Variants in SLC4A5 observed in about 807,000 individuals in gnomAD.
SLC4A5 encodes solute carrier family 4 member 5.
A neutral mutation model predicts 120.4 loss-of-function variants in SLC4A5; 96 were observed. That is an observed-to-expected ratio of 0.80 (90% CI 0.68 to 0.94). The LOEUF (loss-of-function observed/expected upper bound fraction) is 0.94. Ranked by LOEUF, SLC4A5 falls within the 40% of genes least tolerant of loss-of-function variation. The pLI, the probability that SLC4A5 is intolerant of heterozygous loss-of-function variation, is 0.00. For synonymous variants in SLC4A5, 550 were observed against 571.1 expected (o/e 0.96, Z 0.53); for missense variants, 1,259 against 1,459.5 (o/e 0.86, Z 2.24).
rs986821540 is a variant in SLC4A5 at position 74,290,215 on chromosome 2, A to G, written c.272-4313T>C. On this transcript the variant is annotated intron_variant, in intron 7 of 30. Coordinates refer to ENST00000394019, the Ensembl canonical transcript of SLC4A5. ...AGAGAGGAGACAGGCAGAGAGCAGG[A>G]TGCAAACCAGTTCTGCCTGGGGCAT... 8.1e-6 allele frequency: 8 copies of G among 985,502 alleles called. No homozygotes were observed. In the East Asian group the frequency reaches 5.7e-4, roughly 70 times the overall value. The allele number at this position is 985,502 out of a possible 1,614,324, so 61.0% of individuals were successfully genotyped here. A position where few individuals can be genotyped will look rare whatever the true frequency, so the allele number is the denominator to read the frequency against.
At chr2:74,296,353 C>T (rs942444174) in intron 7 of SLC4A5, among the ~76,000 whole-genome samples, 1 of 152,024 alleles carries the variant, frequency 6.6e-6, no homozygotes, top group African/African-American at 2.4e-5. Context: ...TCTCCTTTTT[C>T]TTCCTCCTTT....
chr2:74,235,033 A>C, intron 22 of SLC4A5, 68 bp downstream of exon 22: 1 of 1,255,198 alleles, frequency 8.0e-7, no homozygotes, highest in Non-Finnish European at 1.2e-6. Flanking sequence ...TGATCAGCAC[A>C]GAGGGGAAAG....
chr2:74,267,734 G>A (rs1201258233), intron 8 of SLC4A5, among the ~76,000 whole-genome samples: 1 of 152,216 alleles, frequency 6.6e-6, no homozygotes, highest in East Asian at 1.9e-4. Flanking sequence ...GGTGGCTCAC[G>A]CCTGTGATTC....
At chr2:74,232,357 T>C in intron 24 of SLC4A5, 112 bp downstream of exon 24, 1 of 1,283,758 alleles carries the variant, frequency 7.8e-7, no homozygotes. Context: ...TCTTGGGCCG[T>C]CAGAGCGGGG....
At chr2:74,228,885 T>A (rs1694950639) in intron 25 of SLC4A5, among the ~76,000 whole-genome samples, 1 of 152,110 alleles carries the variant, frequency 6.6e-6, no homozygotes, top group Non-Finnish European at 1.5e-5. Flanking sequence ...ATTCCAAATC[T>A]TCACAGCCTT....
At chr2:74,318,551 T>C (rs1167038116) in intron 5 of SLC4A5, among the ~76,000 whole-genome samples, 1 of 152,006 alleles carries the variant, frequency 6.6e-6, no homozygotes, top group African/African-American at 2.4e-5. Context: ...CCAGGTGTGG[T>C]GGTGCATGCC....
intron 5 of SLC4A5, among the ~76,000 whole-genome samples, chr2:74,327,455 A>G (rs1002283079): frequency 6.6e-6 from 1 of 152,190 alleles, no homozygotes; most frequent in African/African-American, 2.4e-5. Flanking sequence ...GGGAAAGGCT[A>G]CCCTCTCAAC....
intron 5 of SLC4A5, among the ~76,000 whole-genome samples, chr2:74,319,987 C>G (rs1475438462): frequency 1.3e-5 from 2 of 151,958 alleles, no homozygotes; most frequent in Non-Finnish European, 2.9e-5. Flanking sequence ...AACCTATGAA[C>G]CTATAAGTTT....
intron 23 of SLC4A5, among the ~76,000 whole-genome samples, 162 bp from the exon 24 acceptor site, chr2:74,232,809 C>T (rs1670139988): frequency 6.6e-6 from 1 of 152,162 alleles, no homozygotes; most frequent in African/African-American, 2.4e-5. Context: ...GTGTGTCCTG[C>T]CACCCCATCT....
intron 6 of SLC4A5, chr2:74,307,606 T>C: frequency 4.0e-6 from 3 of 757,928 alleles, no homozygotes; most frequent in Admixed American, 3.5e-5. Flanking sequence ...TGAGCGCTCA[T>C]GTCCTCAATG....
At chr2:74,290,256 A>T (rs1043964928) in intron 7 of SLC4A5, 1 of 985,414 alleles carries the variant, frequency 1.0e-6, no homozygotes, top group African/African-American at 1.7e-5. Flanking sequence ...GCTCCCTGGA[A>T]CAGCTGAGCG....
chr2:74,329,641 T>C (rs1181007051), intron 4 of SLC4A5, among the ~76,000 whole-genome samples: 1 of 146,094 alleles, frequency 6.8e-6, no homozygotes, highest in Non-Finnish European at 1.5e-5. Context: ...ATGGAGGTGG[T>C]GTGAGGTGTA....
intron 30 of SLC4A5, among the ~76,000 whole-genome samples, chr2:74,220,189 CTG>C (rs1455255207): frequency 6.6e-6 from 1 of 152,230 alleles, no homozygotes; most frequent in Non-Finnish European, 1.5e-5. Flanking sequence ...TTCATCTTTT[CTG>C]TGTTTGCCCC....
chr2:74,279,787 C>T (rs1415587156), intron 8 of SLC4A5, among the ~76,000 whole-genome samples: 1 of 152,180 alleles, frequency 6.6e-6, no homozygotes, highest in African/African-American at 2.4e-5. Flanking sequence ...TTCTAAGCTG[C>T]TACCATGAGG....
chr2:74,249,234 G>C (rs1177270418), intron 17 of SLC4A5, among the ~76,000 whole-genome samples: 2 of 152,196 alleles, frequency 1.3e-5, no homozygotes, highest in Non-Finnish European at 2.9e-5. Flanking sequence ...GATAGGTTTA[G>C]GGTGCCACAG....
chr2:74,301,343 C>T (rs1672470938), intron 7 of SLC4A5, among the ~76,000 whole-genome samples: 1 of 152,196 alleles, frequency 6.6e-6, no homozygotes, highest in South Asian at 2.1e-4. Flanking sequence ...CTGAAGGGGT[C>T]TCTGCTCAAT....
At position 74,265,045 on chromosome 2, in the gene SLC4A5, G is replaced by A. The variant is rs1037272391; in HGVS notation, c.562+59C>T. ...ACTTGAGGGCAGGCATGAGGTCAGGGGAGCTGCCCTGGTTTGCAGGGACCA... is the reference window on the plus strand; with the variant it reads ...ACTTGAGGGCAGGCATGAGGTCAGGAGAGCTGCCCTGGTTTGCAGGGACCA... On this transcript the variant is annotated intron_variant, in intron 9 of 30. Coordinates refer to ENST00000394019, the Ensembl canonical transcript of SLC4A5. 3.2e-6 allele frequency: 5 copies of A among 1,556,402 alleles called. No individual in the cohort carries two copies. In the African/African-American group the frequency reaches 5.4e-5, roughly 17 times the overall value.
At chr2:74,277,119 C>T (rs1671669121) in intron 8 of SLC4A5, among the ~76,000 whole-genome samples, 1 of 152,138 alleles carries the variant, frequency 6.6e-6, no homozygotes. Flanking sequence ...TTACTTGTAG[C>T]CCCAAACCTC....
chr2:74,221,279 G>C (rs538774282), intron 30 of SLC4A5, among the ~76,000 whole-genome samples, 155 bp downstream of exon 30: 15 of 152,358 alleles, frequency 9.8e-5, no homozygotes, highest in Non-Finnish European at 1.8e-4. Context: ...CCTGAATGAT[G>C]AGTCAGGTTT....
Sources: gnomAD v4.1 joint callset for allele counts (sites outside exome capture counted in the v4.1 genomes callset) on GRCh38, gnomAD v4.1.1 for gene constraint, MANE v1.5 for transcripts, NCBI Gene and HGNC (gene_info 2026-07-23, HGNC 2026-07-21) for gene names.